Variants in SNX29 observed in about 807,000 individuals in gnomAD.
SNX29 encodes the protein sorting nexin-29.
Under a neutral mutation model 102.1 loss-of-function variants are expected in SNX29, and 78 were observed. That is an observed-to-expected ratio of 0.76 (90% CI 0.64 to 0.92). The LOEUF (loss-of-function observed/expected upper bound fraction) is 0.92. SNX29 is among the 40% of genes least tolerant of loss of function. SNX29 has a pLI of 0.00. For synonymous variants in SNX29, 580 were observed against 414.5 expected, an observed-to-expected ratio of 1.40 and a Z score of -4.85; for missense variants, 1,280 against 1,061.7, an observed-to-expected ratio of 1.21 and a Z score of -2.86.
At chr16:12,187,308 C>G (rs993073723) in intron 13 of SNX29, among the ~76,000 whole-genome samples, 2 of 152,164 alleles carry the variant, frequency 1.3e-5, no homozygotes, top group Admixed American at 6.5e-5. Flanking sequence ...TCCTGGAATC[C>G]CAGCACTTTG....
intron 20 of SNX29, chr16:12,527,258 A>ATCTCCATGTGATCGTGTCCTT (rs1326198926): frequency 7.5e-6 from 4 of 532,814 alleles, no homozygotes; most frequent in Admixed American, 2.2e-5. Context: ...GTGCTGACGA[A>ATCTCCATGTGATCGTGTCCTT]TCTCCATGTG....
intron 16 of SNX29, among the ~76,000 whole-genome samples, chr16:12,386,563 A>C (rs548592606): frequency 1.3e-5 from 2 of 152,328 alleles, no homozygotes; most frequent in African/African-American, 2.4e-5. Context: ...CCAGATAGCA[A>C]GTGTGACACT....
intron 20 of SNX29, among the ~76,000 whole-genome samples, chr16:12,535,605 TTGTCACTGTC>T (rs57625348): frequency 0.017 from 2,613 of 152,238 alleles, 83 homozygotes; most frequent in African/African-American, 0.058. Flanking sequence ...CCTCTACCCT[TTGTCACTGTC>T]AGTCACACCA....
chr16:12,164,004 G>A (rs1436389205), intron 13 of SNX29, among the ~76,000 whole-genome samples: 1 of 152,190 alleles, frequency 6.6e-6, no homozygotes, highest in African/African-American at 2.4e-5. Flanking sequence ...ATGATGATGT[G>A]AATCTGCAAA....
At chr16:12,171,603 T>C (rs1301306850) in intron 13 of SNX29, among the ~76,000 whole-genome samples, 1 of 152,198 alleles carries the variant, frequency 6.6e-6, no homozygotes, top group African/African-American at 2.4e-5. Flanking sequence ...TTAGCCCTCT[T>C]CTGGGGTAGC....
At chr16:12,466,622 C>T (rs919367194) in intron 18 of SNX29, among the ~76,000 whole-genome samples, 1 of 152,158 alleles carries the variant, frequency 6.6e-6, no homozygotes, top group Non-Finnish European at 1.5e-5. Context: ...TTGAAAAGGC[C>T]AGCTTCCTAC....
At chr16:12,410,638 T>C (rs1008572883) in intron 18 of SNX29, among the ~76,000 whole-genome samples, 7 of 151,896 alleles carry the variant, frequency 4.6e-5, no homozygotes, top group Admixed American at 4.6e-4. Context: ...CTCACTGTGC[T>C]GCCTAGGCTG....
At chr16:12,155,074 C>A (rs1054092894) in intron 13 of SNX29, among the ~76,000 whole-genome samples, 4 of 152,158 alleles carry the variant, frequency 2.6e-5, no homozygotes, top group Non-Finnish European at 5.9e-5. Flanking sequence ...TGCCCTTCTG[C>A]CAGTGGCTGC....
chr16:12,350,262 C>T (rs2081956695), intron 15 of SNX29, among the ~76,000 whole-genome samples: 1 of 152,202 alleles, frequency 6.6e-6, no homozygotes, highest in South Asian at 2.1e-4. Context: ...GAGAATGCAT[C>T]TGTACTGAAC....
chr16:12,529,048 T>G (rs1300732967), intron 20 of SNX29, among the ~76,000 whole-genome samples: 1 of 152,266 alleles, frequency 6.6e-6, no homozygotes, highest in East Asian at 1.9e-4. Context: ...GCATCATGAC[T>G]TCTAAGTAAT....
chr16:12,146,878 C>G (rs1201717996), intron 13 of SNX29, among the ~76,000 whole-genome samples: 1 of 152,110 alleles, frequency 6.6e-6, no homozygotes, highest in Non-Finnish European at 1.5e-5. Context: ...CTTCATGAGC[C>G]TTTCAGAATT....
At chr16:12,070,262 G>A (rs574475854) in intron 10 of SNX29, among the ~76,000 whole-genome samples, 1 of 150,952 alleles carries the variant, frequency 6.6e-6, no homozygotes, top group Non-Finnish European at 1.5e-5. Context: ...GTGCCATGCT[G>A]GTGTGCTGCA....
intron 14 of SNX29, among the ~76,000 whole-genome samples, chr16:12,230,985 T>G (rs2077752919): frequency 6.6e-6 from 1 of 152,128 alleles, no homozygotes; most frequent in South Asian, 2.1e-4. Context: ...TAGCTGGGAC[T>G]ATCTGTAGGC....
At chr16:12,474,568 C>G (rs1026774663) in intron 18 of SNX29, among the ~76,000 whole-genome samples, 1 of 152,106 alleles carries the variant, frequency 6.6e-6, no homozygotes, top group African/African-American at 2.4e-5. Context: ...AAACAGTGGG[C>G]TCTTGCATAT....
chr16:12,220,130 C>T (rs1225215469), intron 14 of SNX29, among the ~76,000 whole-genome samples: 7 of 152,206 alleles, frequency 4.6e-5, no homozygotes, highest in East Asian at 3.8e-4. Flanking sequence ...CTTTCGCCAC[C>T]GCGCTGTGAG....
intron 15 of SNX29, among the ~76,000 whole-genome samples, chr16:12,325,627 CTTAT>C (rs1185009791): frequency 2.6e-5 from 4 of 152,092 alleles, no homozygotes; most frequent in Non-Finnish European, 4.4e-5. Flanking sequence ...GCTGGTTCTT[CTTAT>C]TTATTATCTT....
chr16:12,282,559 G>A (rs1172941184), intron 15 of SNX29, among the ~76,000 whole-genome samples: 3 of 152,188 alleles, frequency 2.0e-5, no homozygotes, highest in African/African-American at 7.2e-5. Flanking sequence ...CTGTTGAGTG[G>A]CTTCAGTCAT....
rs1166761541 is a variant in SNX29 at position 12,096,208 on chromosome 16, T to C, written c.1402+17293T>C. Among the ~76,000 whole-genome samples the C allele has an allele frequency of 6.6e-6, 1 of 152,238 alleles. No homozygotes were observed. Among genetic ancestry groups the C allele is most frequent in the African/African-American group, 2.4e-5 (1 of 41,470 alleles). ...GGGCATCTTTCTTTAAAGGGGAAAC[T>C]TCCCACTGAATTTTGTGTATTAGCC... On this transcript the variant is annotated intron_variant, in intron 11 of 20. Coordinates refer to ENST00000566228, the MANE Select transcript of SNX29 (RefSeq NM_032167.5). The surrounding 1 kb of genome is among the most constrained non-coding windows in gnomAD (Gnocchi z 4.2).
intron 10 of SNX29, among the ~76,000 whole-genome samples, chr16:12,074,092 C>T (rs2051429579): frequency 6.6e-6 from 1 of 151,754 alleles, no homozygotes; most frequent in African/African-American, 2.4e-5. Flanking sequence ...TTCCTGAATA[C>T]AGCACACTGA....
Sources: allele counts gnomAD v4.1 joint callset (sites outside exome capture counted in the v4.1 genomes callset), GRCh38; gene constraint gnomAD v4.1.1; non-coding constraint Gnocchi (gnomAD v3.1); transcripts MANE v1.5; gene names NCBI Gene and HGNC (gene_info 2026-07-23, HGNC 2026-07-21).